NUP85: variants seen among roughly 807,000 people sequenced by gnomAD.
NUP85 encodes the protein nucleoporin 85.
In NUP85, 23 loss-of-function variants were observed where a neutral mutation model predicts 92.8. The observed-to-expected ratio is 0.25, with a 90% CI of 0.18 to 0.35. NUP85 has a LOEUF of 0.35. Ranked by LOEUF, NUP85 falls within the 10% of genes least tolerant of loss-of-function variation. NUP85 has a pLI of 1.00. For synonymous variants in NUP85, 314 were observed against 306.9 expected (o/e 1.02, Z -0.24); for missense variants, 759 against 822.8 (o/e 0.92, Z 0.95).
In NUP85 at chr17:75,225,992, G is replaced by T. The variant is rs531388868; in HGVS notation, c.988-59G>T. ...CTGGGGTTCGTTATACAGCAGCCCTGCCTGCCCCGAGTCTCTGCTTCCGTC... is the reference window on the plus strand; with the variant it reads ...CTGGGGTTCGTTATACAGCAGCCCTTCCTGCCCCGAGTCTCTGCTTCCGTC... On this transcript the variant is annotated intron_variant, in intron 10 of 18. Coordinates refer to ENST00000245544, the MANE Select transcript of NUP85 (RefSeq NM_024844.5). The T allele has an allele frequency of 3.4e-5, 55 of 1,606,986 alleles. No individual in the cohort carries two copies. The Admixed American group carries it at 7.0e-4, about 21-fold the overall frequency.
intron 7 of NUP85, among the ~76,000 whole-genome samples, chr17:75,219,637 A>G: frequency 6.6e-6 from 1 of 152,190 alleles, no homozygotes; most frequent in African/African-American, 2.4e-5. Context: ...CATGACTAAA[A>G]CAGGCAAAGA....
At chr17:75,211,936 T>G in intron 3 of NUP85, 56 bp from the exon 4 acceptor site, 1 of 1,341,184 alleles carries the variant, frequency 7.5e-7, no homozygotes, top group Non-Finnish European at 1.1e-6. Flanking sequence ...TTTCCTTCCT[T>G]TGTGGCACTA....
intron 11 of NUP85, chr17:75,228,097 CTG>C (rs1296432778): frequency 3.0e-6 from 2 of 655,848 alleles, no homozygotes; most frequent in East Asian, 1.4e-4. Context: ...TCTAAATTTC[CTG>C]TGTTATAACA....
chr17:75,222,848 A>G (rs1284671846), intron 7 of NUP85, among the ~76,000 whole-genome samples: 2 of 151,992 alleles, frequency 1.3e-5, no homozygotes, highest in East Asian at 3.9e-4. Flanking sequence ...ATCCTGGCTA[A>G]CACAGTGAAA....
rs753271175 is a variant in NUP85, at chr17:75,218,199, C to T, written c.490C>T (p.Leu164Phe). Residue 164 changes from leucine (L) to phenylalanine (F), a missense_variant, in exon 7 of 19, where the codon CTC (leucine) becomes TTC (phenylalanine). Coordinates refer to ENST00000245544, the MANE Select transcript of NUP85 (RefSeq NM_024844.5). ...IEVAPAGPLL[L>F]HLLDWVRLHV... ...TCTCCTCCCAGCTGGCCCTCTCCTC[C>T]TCCATCTCCTTGACTGGGTCCGGCT... 6.8e-6 allele frequency: 11 copies of T among 1,613,826 alleles called. No homozygotes were observed. Among genetic ancestry groups the T allele is most frequent in the African/African-American group, 1.3e-5 (1 of 74,916 alleles).
intron 11 of NUP85, chr17:75,229,218 C>T (rs1441622832): frequency 1.1e-6 from 1 of 947,602 alleles, no homozygotes; most frequent in Non-Finnish European, 1.3e-6. Context: ...TTTGGCCCAG[C>T]CCACAATCTT....
intron 9 of NUP85, 104 bp downstream of exon 9, chr17:75,225,568 TGTCG>T (rs2075760905): frequency 6.4e-7 from 1 of 1,571,234 alleles, no homozygotes; most frequent in East Asian, 2.2e-5. Flanking sequence ...TAGGGCTGTC[TGTCG>T]CTCTGCCGTG....
At chr17:75,233,253 C>A in intron 16 of NUP85, 95 bp downstream of exon 16, 1 of 923,456 alleles carries the variant, frequency 1.1e-6, no homozygotes, top group Non-Finnish European at 1.7e-6. Context: ...GCGCTTCCTT[C>A]ATGTATTCCC....
chr17:75,227,772 G>A (rs569813501), intron 11 of NUP85, among the ~76,000 whole-genome samples: 109 of 152,118 alleles, frequency 7.2e-4, no homozygotes, highest in African/African-American at 2.5e-3. Context: ...CAGGTAGCTA[G>A]GACTACAAGT....
chr17:75,210,271 T>C (rs2075217173), intron 3 of NUP85, among the ~76,000 whole-genome samples: 1 of 152,172 alleles, frequency 6.6e-6, no homozygotes. Flanking sequence ...GTGAGAGTCG[T>C]TGAATGAGGT....
intron 6 of NUP85, among the ~76,000 whole-genome samples, chr17:75,217,386 G>C (rs1240742524): frequency 7.3e-6 from 1 of 137,010 alleles, no homozygotes; most frequent in Non-Finnish European, 1.6e-5. Flanking sequence ...TTTTTTTGTA[G>C]AGATGGGGTC....
At chr17:75,219,527 G>C (rs1432194049) in intron 7 of NUP85, among the ~76,000 whole-genome samples, 1 of 152,130 alleles carries the variant, frequency 6.6e-6, no homozygotes, top group Non-Finnish European at 1.5e-5. Context: ...TTCCACCTTG[G>C]CCTCCCAAAG....
intron 9 of NUP85, 115 bp downstream of exon 9, chr17:75,225,579 C>A: frequency 6.4e-7 from 1 of 1,571,108 alleles, no homozygotes; most frequent in South Asian, 1.2e-5. Flanking sequence ...GTCGCTCTGC[C>A]GTGATGGCGA....
At position 75,226,129 on chromosome 17, in the gene NUP85, G is replaced by T; in HGVS notation, c.1066G>T (p.Asp356Tyr). Reference protein sequence around the residue: ...DNILLAAFEFDIHQVIKECSI... With the variant: ...DNILLAAFEFYIHQVIKECSI... ...CATCTTGTTGGCAGCCTTTGAGTTT[G>T]ACATCCATCAAGTAATCAAAGAGTG... The change falls in exon 11 of 19, where the codon GAC becomes TAC. Residue 356 changes from aspartate (D) to tyrosine (Y), a missense_variant. By Grantham distance (160) the Asp-to-Tyr change is radical. Coordinates refer to ENST00000245544, the MANE Select transcript of NUP85 (RefSeq NM_024844.5). 1 of 1,614,048 alleles carries T rather than the reference G, an allele frequency of 6.2e-7. No homozygotes were observed. Among genetic ancestry groups the T allele is most frequent in the Non-Finnish European group, 8.5e-7 (1 of 1,180,012 alleles).
At position 75,235,088 on chromosome 17, in the gene NUP85, T is replaced by G. The variant is rs373650063; in HGVS notation, c.1768-12T>G. The G allele has an allele frequency of 6.6e-4, 1,061 of 1,609,792 alleles. 1 individual carries two copies. The highest frequency in any genetic ancestry group is 8.4e-4 in the Non-Finnish European group (987 of 1,176,520). On this transcript the variant is annotated splice_polypyrimidine_tract_variant and intron_variant, in intron 17 of 18. Transcript: ENST00000245544. ...CTGGGGGCAGCCAAGCAAGGCAGGC[T>G]CTCTTCCCTAGGTGATTTTCTCAGC...
chr17:75,222,253 C>T (rs2075617480), intron 7 of NUP85, among the ~76,000 whole-genome samples: 2 of 152,050 alleles, frequency 1.3e-5, no homozygotes, highest in African/African-American at 4.8e-5. Context: ...CCATGTTGTC[C>T]AGGCTGGTCT....
Position 75,226,107 on chromosome 17 carries a change from C to A in NUP85, c.1044C>A (p.Ile348=). ...GCAGCCCAGAACCCCTGGACAACAT[C>A]TTGTTGGCAGCCTTTGAGTTTGACA... is the stretch of plus-strand genomic sequence containing the variant. ...GESSPEPLDN[I]LLAAFEFDIH... Residue 348 remains isoleucine (I), a synonymous_variant, in exon 11 of 19, where the codon ATC becomes ATA. Transcript: ENST00000245544. 2 of 1,614,180 alleles carry A rather than the reference C, an allele frequency of 1.2e-6. No homozygotes were observed. Among genetic ancestry groups the A allele is most frequent in the East Asian group, 2.2e-5 (1 of 44,876 alleles).
At position 75,231,112 on chromosome 17, in the gene NUP85, A is replaced by G. The variant is rs2076039786; in HGVS notation, c.1095-228A>G. 1 of 505,848 alleles carries G rather than the reference A, an allele frequency of 2.0e-6. No homozygotes were observed. Among genetic ancestry groups the G allele is most frequent in the East Asian group, 3.6e-5 (1 of 27,866 alleles). 31.3% of individuals were successfully genotyped at this position (505,848 alleles called of 1,614,324 possible). A position where few individuals can be genotyped will look rare whatever the true frequency, so the allele number is the denominator to read the frequency against. On this transcript the variant is annotated intron_variant, in intron 11 of 18. Coordinates refer to ENST00000245544, the MANE Select transcript of NUP85 (RefSeq NM_024844.5). The surrounding 1 kb of genome is among the most constrained non-coding windows in gnomAD (Gnocchi z 4.6). ...ATGCCTGGCTAATTTTTGTATTTGTAGAGATGGGGTTTTGCCATGTTGCCC... is the reference window on the plus strand; with the variant it reads ...ATGCCTGGCTAATTTTTGTATTTGTGGAGATGGGGTTTTGCCATGTTGCCC...
intron 7 of NUP85, among the ~76,000 whole-genome samples, chr17:75,223,071 C>T (rs2075647432): frequency 6.7e-6 from 1 of 150,178 alleles, no homozygotes; most frequent in South Asian, 2.1e-4. Context: ...GCCAACAGCA[C>T]TATAATTCGT....
Sources: gnomAD v4.1 joint callset for allele counts (sites outside exome capture counted in the v4.1 genomes callset) on GRCh38, gnomAD v4.1.1 for gene constraint, Gnocchi (gnomAD v3.1) non-coding constraint, MANE v1.5 for transcripts, NCBI Gene and HGNC (gene_info 2026-07-23, HGNC 2026-07-21) for gene names.